KY: variants seen among roughly 807,000 people sequenced by gnomAD.
The protein encoded by KY is kyphoscoliosis peptidase.
A neutral mutation model predicts 76.1 loss-of-function variants in KY; 43 were observed. The observed-to-expected ratio is 0.57, with a 90% CI of 0.44 to 0.73. KY has a LOEUF of 0.73. Among genes scored for constraint, KY ranks in the 30% least tolerant of loss-of-function variants. The pLI is 0.00. For missense variants in KY, 722 were observed against 828.9 expected (o/e 0.87, Z 1.58); for synonymous variants, 277 against 326.2 (o/e 0.85, Z 1.63).
In KY at chr3:134,601,820, G is replaced by A. The variant is rs984205072; in HGVS notation, c.*1759C>T. Among the ~76,000 whole-genome samples the A allele has an allele frequency of 1.3e-5, 2 of 152,258 alleles. No individual in the cohort carries two copies. Among genetic ancestry groups the A allele is most frequent in the Non-Finnish European group, 2.9e-5 (2 of 68,054 alleles). On this transcript the variant is annotated 3_prime_UTR_variant, in exon 11 of 11. Coordinates refer to ENST00000423778, the MANE Select transcript of KY (RefSeq NM_178554.6). ...CTGGGTGGCAGTGGGGACTTTTAGGGGAGGGATCCCGGGGGATAATGAACA... is the reference window on the plus strand; with the variant it reads ...CTGGGTGGCAGTGGGGACTTTTAGGAGAGGGATCCCGGGGGATAATGAACA...
chr3:134,625,008 A>G, intron 6 of KY, 45 bp downstream of exon 6: 5 of 1,527,992 alleles, frequency 3.3e-6, no homozygotes, highest in Non-Finnish European at 4.5e-6. Flanking sequence ...TAGAACTCTA[A>G]GCCACCTTGA....
rs1314546351 is a variant in KY at position 134,607,101 on chromosome 3, C to T, written c.1090+1548G>A. 5 of 985,314 alleles carry T rather than the reference C, an allele frequency of 5.1e-6. No individual in the cohort carries two copies. The African/African-American group carries it at 7.0e-5, about 14-fold the overall frequency. The allele number at this position is 985,314 out of a possible 1,614,324, so 61.0% of individuals were successfully genotyped here. On this transcript the variant is annotated intron_variant, in intron 10 of 10. Coordinates refer to ENST00000423778, the MANE Select transcript of KY (RefSeq NM_178554.6). ...TAAAAAGGCAAACTCCACTCAATGA[C>T]ATCAGTTTGGTGTTGCTTTGACCTG...
chr3:134,604,360 A>T lies in KY; in HGVS notation c.1205T>A (p.Leu402Ter). The change falls in exon 11 of 11, where the codon TTG (leucine) becomes TAG (stop). Residue 402 changes from leucine to a stop codon, truncating the protein, a stop_gained. Transcript: ENST00000423778. LOFTEE classifies it high-confidence loss of function. ...LLSLRKNGMKLEVYPPTMGTH... is the reference protein window; with the variant it reads ...LLSLRKNGMK Reference sequence around the variant, plus strand: ...GCCCATGGTTGGAGGGTACACCTCCAACTTCATCCCATTCTTCCTTAGGCT... The same window carrying T: ...GCCCATGGTTGGAGGGTACACCTCCTACTTCATCCCATTCTTCCTTAGGCT... The T allele has an allele frequency of 1.2e-6, 2 of 1,614,012 alleles. No individual in the cohort carries two copies. Among genetic ancestry groups the T allele is most frequent in the Non-Finnish European group, 1.7e-6 (2 of 1,179,904 alleles).
At chr3:134,650,122 C>A (rs575419583) in intron 1 of KY, among the ~76,000 whole-genome samples, 1 of 152,152 alleles carries the variant, frequency 6.6e-6, no homozygotes, top group African/African-American at 2.4e-5. Flanking sequence ...CAGAGAGGCC[C>A]GGATCCTGCT....
intron 3 of KY, 105 bp from the exon 4 acceptor site, chr3:134,629,800 C>T: frequency 1.4e-6 from 1 of 716,992 alleles, no homozygotes; most frequent in South Asian, 1.6e-5. Flanking sequence ...TTAGAACTTT[C>T]TTTTGTGTGT....
intron 8 of KY, chr3:134,610,615 C>T: frequency 4.2e-6 from 2 of 480,130 alleles, no homozygotes; most frequent in Non-Finnish European, 7.4e-6. Flanking sequence ...GCTGCAGTCT[C>T]CGCTGTCTGC....
intron 3 of KY, among the ~76,000 whole-genome samples, chr3:134,635,532 A>G (rs567807652): frequency 8.6e-5 from 13 of 151,500 alleles, no homozygotes; most frequent in African/African-American, 2.4e-4. Context: ...TCAACAATAC[A>G]AAGGAACTCT....
At position 134,634,318 on chromosome 3, in the gene KY, G is replaced by A. The variant is rs1049150453; in HGVS notation, c.263-4623C>T. Among the ~76,000 whole-genome samples the A allele has an allele frequency of 3.9e-5, 6 of 151,986 alleles. No individual in the cohort carries two copies. The East Asian group carries it at 5.8e-4, about 15-fold the overall frequency. On this transcript the variant is annotated intron_variant, in intron 3 of 10. Coordinates refer to ENST00000423778, the MANE Select transcript of KY (RefSeq NM_178554.6). ...TAAACTAATTTTGAAAAAAAAAGAT[G>A]GGAGGACTCCCACTCTTTGATTTTA...
chr3:134,624,225 T>C (rs1224366415), intron 6 of KY, among the ~76,000 whole-genome samples: 1 of 152,196 alleles, frequency 6.6e-6, no homozygotes, highest in African/African-American at 2.4e-5. Flanking sequence ...TCTTCCCCTC[T>C]GCCCCTAGCT....
At chr3:134,605,832 T>C (rs1959186218) in intron 10 of KY, among the ~76,000 whole-genome samples, 1 of 152,162 alleles carries the variant, frequency 6.6e-6, no homozygotes, top group Admixed American at 6.5e-5. Context: ...CTCCCCTCTT[T>C]GCGACCCCCA....
At chr3:134,632,090 C>G (rs1227413126) in intron 3 of KY, among the ~76,000 whole-genome samples, 1 of 151,918 alleles carries the variant, frequency 6.6e-6, no homozygotes, top group Non-Finnish European at 1.5e-5. Flanking sequence ...AGGCATACGT[C>G]AAACAACAAA....
intron 3 of KY, among the ~76,000 whole-genome samples, chr3:134,632,111 AC>A (rs1226863156): frequency 6.6e-6 from 1 of 152,130 alleles, no homozygotes; most frequent in African/African-American, 2.4e-5. Flanking sequence ...GTTTTAAAAT[AC>A]ATGAAACAAG....
At chr3:134,638,240 G>A (rs2107967808) in intron 3 of KY, among the ~76,000 whole-genome samples, 1 of 152,298 alleles carries the variant, frequency 6.6e-6, no homozygotes, top group East Asian at 1.9e-4. Context: ...GCTTCCTTAA[G>A]GCATGGAGTG....
chr3:134,624,246 C>T (rs148326988), intron 6 of KY, among the ~76,000 whole-genome samples: 3,077 of 152,292 alleles, frequency 0.02, 36 homozygotes, highest in Non-Finnish European at 0.028. Flanking sequence ...CAGGATTGGC[C>T]TTTCCACTCC....
chr3:134,617,049 C>T (rs1961693475), intron 8 of KY, among the ~76,000 whole-genome samples: 1 of 152,150 alleles, frequency 6.6e-6, no homozygotes. Flanking sequence ...TTAACTTTGG[C>T]ACTCCTTCTA....
At chr3:134,611,598 A>G (rs1462490973) in intron 8 of KY, among the ~76,000 whole-genome samples, 1 of 152,264 alleles carries the variant, frequency 6.6e-6, no homozygotes. Context: ...CAACCTGTGA[A>G]ACCGAGGATG....
chr3:134,614,324 C>T (rs894439686), intron 8 of KY, among the ~76,000 whole-genome samples: 2 of 152,146 alleles, frequency 1.3e-5, no homozygotes, highest in African/African-American at 4.8e-5. Flanking sequence ...ATCTTCGCTT[C>T]TACTTTACAG....
At chr3:134,626,039 C>T (rs1963396040) in intron 5 of KY, among the ~76,000 whole-genome samples, 3 of 152,212 alleles carry the variant, frequency 2.0e-5, no homozygotes, top group Admixed American at 2.0e-4. Context: ...GACAGCAGAC[C>T]CCTGTCCCGG....
At chr3:134,629,536 G>A in intron 4 of KY, 85 bp downstream of exon 4, 3 of 1,012,710 alleles carry the variant, frequency 3.0e-6, no homozygotes, top group East Asian at 5.2e-5. Context: ...TCCCTCAGAA[G>A]ATGCTTGGGC....
Sources: gnomAD v4.1 joint callset for allele counts (sites outside exome capture counted in the v4.1 genomes callset) on GRCh38, gnomAD v4.1.1 for gene constraint, MANE v1.5 for transcripts, NCBI Gene and HGNC (gene_info 2026-07-23, HGNC 2026-07-21) for gene names.